PCDHGA6: variants seen among roughly 807,000 people sequenced by gnomAD.
The protein encoded by PCDHGA6 is protocadherin gamma subfamily A, 6, also known as protocadherin gamma-A6.
A neutral mutation model predicts 60.6 loss-of-function variants in PCDHGA6; 41 were observed. The observed-to-expected ratio is 0.68, with a 90% CI of 0.53 to 0.88. The LOEUF (loss-of-function observed/expected upper bound fraction) is 0.88, where lower values mean the gene tolerates loss of function less well. Ranked by LOEUF, PCDHGA6 falls within the 40% of genes least tolerant of loss-of-function variation. PCDHGA6 has a pLI of 0.00. For synonymous variants in PCDHGA6, 594 were observed against 524.4 expected (o/e 1.13, Z -1.81); for missense variants, 1,312 against 1,203.0 (o/e 1.09, Z -1.34).
rs376621545 is a variant in PCDHGA6, at chr5:141,422,143, G to A, written c.2424+45636G>A. The stretch of plus-strand genomic sequence containing the variant: ...ACAAACTGGAGAAGTTCAAGTACGG[G>A]GGTCTCTGGATTTTGAAAAATATAG... On this transcript the variant is annotated intron_variant, in intron 1 of 3. Transcript: ENST00000517434. 36 of 1,583,638 alleles carry A rather than the reference G, an allele frequency of 2.3e-5. No individual in the cohort carries two copies. The African/African-American group carries it at 3.8e-4, about 17-fold the overall frequency.
At position 141,374,158 on chromosome 5, in the gene PCDHGA6, G is replaced by T; in HGVS notation, c.75G>T (p.Gly25=). The T allele has an allele frequency of 6.2e-7, 1 of 1,612,410 alleles. No individual in the cohort carries two copies. Among genetic ancestry groups the T allele is most frequent in the Non-Finnish European group, 8.5e-7 (1 of 1,179,050 alleles). Residue 25 remains glycine, a synonymous_variant, in exon 1 of 4, where the codon GGG becomes GGT. Transcript: ENST00000517434. ...TCACGCTCCTGGGGACGCTGTGGGG[G>T]GCCGCGGCAGCGCAGATCCGCTACT... ...LLLTLLGTLW[G]AAAAQIRYSI...
At chr5:141,423,620 C>A in intron 1 of PCDHGA6, 1 of 1,608,268 alleles carries the variant, frequency 6.2e-7, no homozygotes, top group Non-Finnish European at 8.5e-7. Flanking sequence ...GCTGAAGACT[C>A]AGCTATCATT....
At chr5:141,413,592 A>G in intron 1 of PCDHGA6, 1 of 1,613,916 alleles carries the variant, frequency 6.2e-7, no homozygotes, top group Non-Finnish European at 8.5e-7. Context: ...AATTCCAAGC[A>G]GAAAATCTAG....
At chr5:141,418,127 A>T in intron 1 of PCDHGA6, 1 of 1,614,104 alleles carries the variant, frequency 6.2e-7, no homozygotes, top group Non-Finnish European at 8.5e-7. Context: ...GAAGGACCGA[A>T]TAGACCGTGA....
rs949391796 is a variant in PCDHGA6 at position 141,493,050 on chromosome 5, A to G, written c.2425-1757A>G. 6.6e-6 allele frequency among the ~76,000 whole-genome samples: 1 copy of G among 152,262 alleles called. No homozygotes were observed. The highest frequency in any genetic ancestry group is 2.4e-5 in the African/African-American group (1 of 41,464). On this transcript the variant is annotated intron_variant, in intron 1 of 3. Coordinates refer to ENST00000517434, the MANE Select transcript of PCDHGA6 (RefSeq NM_018919.3). The surrounding 1 kb of genome is among the most constrained non-coding windows in gnomAD (Gnocchi z 4.3). Reference sequence around the variant, plus strand: ...CCCTTATGTGTGAGGAAACTACAATAGTAAAAAACACAAGTTTCTCCAACT... The same window carrying G: ...CCCTTATGTGTGAGGAAACTACAATGGTAAAAAACACAAGTTTCTCCAACT...
At chr5:141,502,697 T>C (rs893610041) in intron 2 of PCDHGA6, among the ~76,000 whole-genome samples, 13 of 152,208 alleles carry the variant, frequency 8.5e-5, no homozygotes, top group African/African-American at 3.1e-4. Context: ...CTTGCCTGTA[T>C]CTGTTTTTAC....
chr5:141,489,459 C>T lies in PCDHGA6; in HGVS notation c.2425-5348C>T. The T allele has an allele frequency of 6.2e-7, 1 of 1,614,086 alleles. No homozygotes were observed. The highest frequency in any genetic ancestry group is 8.5e-7 in the Non-Finnish European group (1 of 1,180,012). On this transcript the variant is annotated intron_variant, in intron 1 of 3. Coordinates refer to ENST00000517434, the MANE Select transcript of PCDHGA6 (RefSeq NM_018919.3). The surrounding 1 kb of genome is among the most constrained non-coding windows in gnomAD (Gnocchi z 4.5). The stretch of plus-strand genomic sequence containing the variant: ...AATTGGGCTCTGAGGAGAATGGGCG[C>T]TATTTTTCCCTGAGCTTGATGAGTG...
intron 2 of PCDHGA6, among the ~76,000 whole-genome samples, chr5:141,505,092 G>A (rs965653546): frequency 5.9e-5 from 9 of 152,170 alleles, no homozygotes; most frequent in African/African-American, 2.2e-4. Flanking sequence ...AACCCAGGAG[G>A]TGGATGTTGC....
intron 1 of PCDHGA6, chr5:141,399,734 C>T: frequency 6.2e-7 from 1 of 1,613,338 alleles, no homozygotes; most frequent in Non-Finnish European, 8.5e-7. Context: ...CAGGGCTCGC[C>T]TGCGCTCAGC....
chr5:141,473,117 C>A (rs976493841), intron 1 of PCDHGA6, among the ~76,000 whole-genome samples: 4 of 152,140 alleles, frequency 2.6e-5, no homozygotes, highest in Admixed American at 1.3e-4. Flanking sequence ...CTTTACTTGG[C>A]TCTTTGGCAA....
At chr5:141,480,745 C>T (rs528415324) in intron 1 of PCDHGA6, among the ~76,000 whole-genome samples, 1 of 152,278 alleles carries the variant, frequency 6.6e-6, no homozygotes, top group Non-Finnish European at 1.5e-5. Flanking sequence ...ACATAGGCAT[C>T]ATTTTTTGAA....
chr5:141,383,727 A>G, intron 1 of PCDHGA6: 1 of 1,614,016 alleles, frequency 6.2e-7, no homozygotes, highest in South Asian at 1.1e-5. Flanking sequence ...TCAATGGGGA[A>G]GTGACATATT....
intron 1 of PCDHGA6, chr5:141,389,454 C>T (rs544789937): frequency 6.2e-7 from 1 of 1,612,960 alleles, no homozygotes; most frequent in African/African-American, 1.3e-5. Context: ...CGAGCAGCTG[C>T]GCGCCTTCGA....
rs2095932484 is a variant in PCDHGA6, at chr5:141,415,751, T to TG, written c.2424+39244_2424+39245insG. 3.8e-6 allele frequency: 5 copies of TG among 1,328,726 alleles called. No homozygotes were observed. The African/African-American group carries it at 9.4e-5, about 25-fold the overall frequency. The allele number at this position is 1,328,726 out of a possible 1,614,324, so 82.3% of individuals were successfully genotyped here. On this transcript the variant is annotated intron_variant, in intron 1 of 3. Transcript: ENST00000517434. ...TGATGTTTATTAAGGTTTTTTTTTT[T>TG]TTTTTTTTTTTTTTTTTTTTTACTT... is the stretch of plus-strand genomic sequence containing the variant.
chr5:141,400,803 A>G, intron 1 of PCDHGA6: 1 of 556,958 alleles, frequency 1.8e-6, no homozygotes, highest in South Asian at 2.5e-5. Context: ...CTCAAAGCTA[A>G]TGAATTTTAC....
chr5:141,485,454 C>T lies in PCDHGA6; in HGVS notation c.2425-9353C>T. On this transcript the variant is annotated intron_variant, in intron 1 of 3. Transcript: ENST00000517434. This position sits in a 1 kb window ranked among gnomAD's most constrained non-coding sequence, Gnocchi z 5.7. Reference sequence around the variant, plus strand: ...ATCAAGAACCCAATCGACCGAGAGGCACTGTGTGGGCTCAGTGCCAGCTGC... The same window carrying T: ...ATCAAGAACCCAATCGACCGAGAGGTACTGTGTGGGCTCAGTGCCAGCTGC... The T allele has an allele frequency of 6.2e-7, 1 of 1,614,162 alleles. No homozygotes were observed. Among genetic ancestry groups the T allele is most frequent in the East Asian group, 2.2e-5 (1 of 44,868 alleles).
chr5:141,403,849 G>A, intron 1 of PCDHGA6: 1 of 1,613,560 alleles, frequency 6.2e-7, no homozygotes, highest in East Asian at 2.2e-5. Flanking sequence ...AAAATACTGG[G>A]GAAATATCAA....
intron 1 of PCDHGA6, chr5:141,382,631 T>G: frequency 2.7e-6 from 1 of 365,186 alleles, no homozygotes; most frequent in South Asian, 9.0e-5. Flanking sequence ...TGTGCATCAA[T>G]GTGGTGCAGT....
rs112156044 is a variant in PCDHGA6, at chr5:141,476,771, G to C, written c.2425-18036G>C. ...CCAGTTAGTGCTGACGGCGTTGGAC[G>C]GAGGGACCCCAGCTCTCTCCGCCAG... On this transcript the variant is annotated intron_variant, in intron 1 of 3. Coordinates refer to ENST00000517434, the MANE Select transcript of PCDHGA6 (RefSeq NM_018919.3). The surrounding 1 kb of genome is among the most constrained non-coding windows in gnomAD (Gnocchi z 7.6). 1.1e-5 allele frequency: 18 copies of C among 1,613,700 alleles called. 1 individual carries two copies. In the South Asian group the frequency reaches 1.3e-4, roughly 12 times the overall value.
Sources: allele counts gnomAD v4.1 joint callset (sites outside exome capture counted in the v4.1 genomes callset), GRCh38; gene constraint gnomAD v4.1.1; non-coding constraint Gnocchi (gnomAD v3.1); transcripts MANE v1.5; gene names NCBI Gene and HGNC (gene_info 2026-07-23, HGNC 2026-07-21).